The following SYN3 variants were observed in gnomAD, a reference collection of about 807,000 sequenced individuals.
SYN3 encodes the protein synapsin-3.
A neutral mutation model predicts 65.8 loss-of-function variants in SYN3; 35 were observed. The observed-to-expected ratio is 0.53, with a 90% confidence interval of 0.41 to 0.70. The LOEUF is 0.70. Among genes scored for constraint, SYN3 ranks in the 30% least tolerant of loss-of-function variants. The pLI is 0.00. For synonymous variants in SYN3, 270 were observed against 292.9 expected (o/e 0.92, Z 0.80); for missense variants, 680 against 749.0 (o/e 0.91, Z 1.08).
chr22:33,043,850 C>G (rs369299362), intron 1 of SYN3, among the ~76,000 whole-genome samples: 1 of 152,044 alleles, frequency 6.6e-6, no homozygotes, highest in East Asian at 1.9e-4. Context: ...GTCAAGAGAT[C>G]GAGACCATCC....
chr22:32,884,361 G>A (rs1005783977), intron 4 of SYN3, among the ~76,000 whole-genome samples: 5 of 152,126 alleles, frequency 3.3e-5, no homozygotes, highest in African/African-American at 1.2e-4. Context: ...ACAACTGTGG[G>A]ATCCCAGGAA....
At chr22:32,710,428 C>T (rs781378263) in intron 6 of SYN3, among the ~76,000 whole-genome samples, 30 of 151,402 alleles carry the variant, frequency 2.0e-4, no homozygotes, top group Non-Finnish European at 3.5e-4. Flanking sequence ...GTCAGGAGTT[C>T]GAGACCAGCC....
rs2057694372 is a variant in SYN3 at position 32,511,807 on chromosome 22, T to G, written c.*1885A>C. Among the ~76,000 whole-genome samples, 1 of 152,194 alleles carries G rather than the reference T, an allele frequency of 6.6e-6. No individual in the cohort carries two copies. The highest frequency in any genetic ancestry group is 1.5e-5 in the Non-Finnish European group (1 of 68,036). On this transcript the variant is annotated 3_prime_UTR_variant, in exon 14 of 14. Transcript: ENST00000358763. Reference sequence around the variant, plus strand: ...ATCTTTCTTATGTCAGGTCTGCTACTTATTATTGAATCCCAGACCAAGAGT... The same window carrying G: ...ATCTTTCTTATGTCAGGTCTGCTACGTATTATTGAATCCCAGACCAAGAGT...
At position 32,620,850 on chromosome 22, in the gene SYN3, G is replaced by T. The variant is rs115883007; in HGVS notation, c.712-24114C>A. Among the ~76,000 whole-genome samples the T allele has an allele frequency of 4.3e-3, 656 of 152,166 alleles. 2 individuals are homozygous for T. Among genetic ancestry groups the T allele is most frequent in the African/African-American group, 0.015 (633 of 41,512 alleles). On this transcript the variant is annotated intron_variant, in intron 6 of 13. Transcript: ENST00000358763. ...TTCTTCTGCCTCAGCCTCCCGAGTAGCTGGGACTACAGGCACGCGCCACCA... is the reference window on the plus strand; with the variant it reads ...TTCTTCTGCCTCAGCCTCCCGAGTATCTGGGACTACAGGCACGCGCCACCA...
intron 6 of SYN3, chr22:32,864,709 T>C (rs1439846114): frequency 4.2e-6 from 2 of 475,362 alleles, no homozygotes; most frequent in Non-Finnish European, 7.7e-6. Context: ...CTTTGTTATT[T>C]GCCCTATTGC....
At chr22:32,907,880 A>C (rs1055670202) in intron 4 of SYN3, among the ~76,000 whole-genome samples, 2 of 152,150 alleles carry the variant, frequency 1.3e-5, no homozygotes, top group African/African-American at 4.8e-5. Context: ...ACAATTATGG[A>C]GTGCCAGACA....
At chr22:32,704,015 G>C (rs1393811052) in intron 6 of SYN3, among the ~76,000 whole-genome samples, 1 of 151,894 alleles carries the variant, frequency 6.6e-6, no homozygotes, top group Non-Finnish European at 1.5e-5. Flanking sequence ...TGTATTATTA[G>C]AACTTATCCT....
At chr22:32,778,628 A>G (rs555856133) in intron 6 of SYN3, among the ~76,000 whole-genome samples, 1 of 152,278 alleles carries the variant, frequency 6.6e-6, no homozygotes, top group South Asian at 2.1e-4. Flanking sequence ...TTCCATCACA[A>G]CACAATGACG....
At chr22:32,626,095 G>T (rs923357063) in intron 6 of SYN3, among the ~76,000 whole-genome samples, 3 of 152,250 alleles carry the variant, frequency 2.0e-5, no homozygotes, top group Non-Finnish European at 4.4e-5. Context: ...GAAATGGTTG[G>T]GGGTAGAGGG....
chr22:33,047,558 A>G (rs2027844), intron 1 of SYN3, among the ~76,000 whole-genome samples: 60,503 of 151,860 alleles, frequency 0.4, 12,269 homozygotes, highest in East Asian at 0.57. Flanking sequence ...CTGGTGCTTG[A>G]TTAGAAAACT....
chr22:32,732,591 G>A (rs2061284393), intron 6 of SYN3, among the ~76,000 whole-genome samples: 1 of 152,220 alleles, frequency 6.6e-6, no homozygotes, highest in African/African-American at 2.4e-5. Context: ...CCATGGATGA[G>A]TCATTCAATC....
intron 3 of SYN3, among the ~76,000 whole-genome samples, chr22:32,966,540 A>G (rs1769480183): frequency 6.6e-6 from 1 of 152,158 alleles, no homozygotes; most frequent in South Asian, 2.1e-4. Context: ...CCCTTTATGC[A>G]TGAGAGGAAA....
intron 6 of SYN3, among the ~76,000 whole-genome samples, chr22:32,848,423 C>T (rs1206386862): frequency 6.6e-6 from 1 of 152,172 alleles, no homozygotes; most frequent in Non-Finnish European, 1.5e-5. Flanking sequence ...GGTTTCACTT[C>T]TTGGTCTGTT....
At chr22:32,972,341 T>A (rs752897666) in intron 3 of SYN3, among the ~76,000 whole-genome samples, 1 of 152,186 alleles carries the variant, frequency 6.6e-6, no homozygotes, top group Non-Finnish European at 1.5e-5. Flanking sequence ...TATACTCTCA[T>A]GGAATAAACT....
chr22:32,615,432 T>TAAAAAAAAAAAAAAAAAAAAAA, intron 6 of SYN3, among the ~76,000 whole-genome samples: 1 of 74,412 alleles, frequency 1.3e-5, no homozygotes, highest in Non-Finnish European at 2.3e-5. Context: ...AGACTTCATC[T>TAAAAAAAAAAAAAAAAAAAAAA]AAAAAAAAAA....
At chr22:32,785,886 G>GT (rs1168722347) in intron 6 of SYN3, among the ~76,000 whole-genome samples, 5 of 152,162 alleles carry the variant, frequency 3.3e-5, no homozygotes, top group Non-Finnish European at 7.3e-5. Context: ...CAGGCCTGGT[G>GT]TAGGGGCTCA....
intron 4 of SYN3, among the ~76,000 whole-genome samples, chr22:32,919,820 G>C (rs1256192863): frequency 1.3e-5 from 2 of 152,168 alleles, no homozygotes; most frequent in East Asian, 3.9e-4. Flanking sequence ...ACGCTGGGAG[G>C]ATTTGGAAAA....
At chr22:33,002,952 C>T (rs1187510799) in intron 2 of SYN3, among the ~76,000 whole-genome samples, 1 of 152,120 alleles carries the variant, frequency 6.6e-6, no homozygotes, top group Non-Finnish European at 1.5e-5. Flanking sequence ...CAGTTACCCC[C>T]ATGCTGCTGC....
chr22:32,601,557 G>A (rs1030878067), intron 6 of SYN3, among the ~76,000 whole-genome samples: 8 of 152,256 alleles, frequency 5.3e-5, no homozygotes, highest in Non-Finnish European at 8.8e-5. Flanking sequence ...GATTACAGGC[G>A]TGAGCCACTG....
Sources: gnomAD v4.1 joint callset for allele counts (sites outside exome capture counted in the v4.1 genomes callset) on GRCh38, gnomAD v4.1.1 for gene constraint, MANE v1.5 for transcripts, NCBI Gene and HGNC (gene_info 2026-07-23, HGNC 2026-07-21) for gene names.